The following JARID2 variants were observed in gnomAD, a reference collection of about 807,000 sequenced individuals.
The protein encoded by JARID2 is jumonji and AT-rich interaction domain containing 2, also known as protein Jumonji.
A neutral mutation model predicts 125.6 loss-of-function variants in JARID2; 21 were observed. That is an observed-to-expected ratio of 0.17 (90% CI 0.12 to 0.24). The LOEUF is 0.24. Ranked by LOEUF, JARID2 falls within the 10% of genes least tolerant of loss-of-function variation. JARID2 has a pLI of 1.00. For missense variants in JARID2, 1,303 were observed against 1,639.6 expected, an observed-to-expected ratio of 0.79 and a Z score of 3.55; for synonymous variants, 736 against 661.6, an observed-to-expected ratio of 1.11 and a Z score of -1.73.
chr6:15,295,521 A>G (rs1466532671), intron 1 of JARID2, among the ~76,000 whole-genome samples: 1 of 152,180 alleles, frequency 6.6e-6, no homozygotes, highest in Non-Finnish European at 1.5e-5. Flanking sequence ...CAGCATTGGC[A>G]TAGGTGCTCT....
At chr6:15,306,151 A>G (rs1761813493) in intron 1 of JARID2, among the ~76,000 whole-genome samples, 1 of 152,068 alleles carries the variant, frequency 6.6e-6, no homozygotes, top group African/African-American at 2.4e-5. Context: ...CTTTGAGATC[A>G]CAAGTGGCAG....
chr6:15,414,464 G>A (rs1156835209), intron 3 of JARID2, among the ~76,000 whole-genome samples: 1 of 152,082 alleles, frequency 6.6e-6, no homozygotes, highest in East Asian at 1.9e-4. Flanking sequence ...TGAGGGTTTT[G>A]GAGTTTCCTC....
intron 5 of JARID2, among the ~76,000 whole-genome samples, chr6:15,486,738 G>A (rs896744339): frequency 5.3e-5 from 8 of 150,670 alleles, no homozygotes; most frequent in African/African-American, 2.0e-4. Context: ...AAGCAGCTGC[G>A]CCCCGAACTC....
intron 3 of JARID2, among the ~76,000 whole-genome samples, chr6:15,433,103 C>T (rs574875910): frequency 1.4e-4 from 22 of 152,262 alleles, no homozygotes; most frequent in African/African-American, 5.1e-4. Context: ...ACTCCGAGGG[C>T]TCTATGTGAT....
chr6:15,425,914 A>G (rs938023786), intron 3 of JARID2, among the ~76,000 whole-genome samples: 2 of 152,188 alleles, frequency 1.3e-5, no homozygotes, highest in African/African-American at 2.4e-5. Context: ...AATAAGAGCG[A>G]GAAAAGGAGG....
intron 5 of JARID2, among the ~76,000 whole-genome samples, chr6:15,477,175 CG>C (rs767900868): frequency 5.3e-5 from 8 of 151,958 alleles, no homozygotes; most frequent in Non-Finnish European, 1.0e-4. Context: ...AGATTCATAC[CG>C]GGGGCATGTT....
chr6:15,450,568 T>C (rs1767875291), intron 3 of JARID2, among the ~76,000 whole-genome samples: 1 of 152,218 alleles, frequency 6.6e-6, no homozygotes, highest in Non-Finnish European at 1.5e-5. Flanking sequence ...ATCCCTGTAC[T>C]GTGTGGCTGT....
intron 3 of JARID2, among the ~76,000 whole-genome samples, chr6:15,448,637 G>A (rs1767780451): frequency 6.6e-6 from 1 of 152,160 alleles, no homozygotes; most frequent in Admixed American, 6.5e-5. Context: ...TCTAAATATG[G>A]CACAACATTT....
chr6:15,493,048 A>G (rs1414752925), intron 6 of JARID2, among the ~76,000 whole-genome samples: 2 of 152,218 alleles, frequency 1.3e-5, no homozygotes, highest in African/African-American at 2.4e-5. Context: ...AGTGATATAT[A>G]GAATTCAGCT....
intron 1 of JARID2, among the ~76,000 whole-genome samples, chr6:15,321,790 T>TTG (rs1157752503): frequency 1.5e-5 from 2 of 132,496 alleles, no homozygotes; most frequent in African/African-American, 2.9e-5. Flanking sequence ...CTTGTTTTTT[T>TTG]TTTTTTTTTT....
intron 1 of JARID2, among the ~76,000 whole-genome samples, chr6:15,269,883 G>A (rs1302738322): frequency 6.6e-6 from 1 of 152,184 alleles, no homozygotes; most frequent in Non-Finnish European, 1.5e-5. Context: ...TGGTAAACAT[G>A]GTCTCAAGTT....
At chr6:15,400,243 C>T (rs936852470) in intron 2 of JARID2, among the ~76,000 whole-genome samples, 4 of 151,694 alleles carry the variant, frequency 2.6e-5, no homozygotes, top group South Asian at 2.1e-4. Flanking sequence ...GTGGCCCATG[C>T]GGTCACTTCA....
intron 2 of JARID2, among the ~76,000 whole-genome samples, chr6:15,394,407 T>C (rs1765139659): frequency 6.6e-6 from 1 of 152,136 alleles, no homozygotes; most frequent in Non-Finnish European, 1.5e-5. Flanking sequence ...GCTTCAGGCC[T>C]GGGCAGCTTG....
Position 15,444,613 on chromosome 6 carries a change from A to T in JARID2, c.324-7393A>T, listed in dbSNP as rs987850110. Among the ~76,000 whole-genome samples the T allele has an allele frequency of 1.7e-4, 24 of 143,738 alleles. 1 individual carries two copies. The highest frequency in any genetic ancestry group is 6.1e-4 in the East Asian group (3 of 4,958). The allele number at this position is 143,738 out of a possible 152,430, so 94.3% of individuals were successfully genotyped here. On this transcript the variant is annotated intron_variant, in intron 3 of 17. Coordinates refer to ENST00000341776, the MANE Select transcript of JARID2 (RefSeq NM_004973.4). ...TATTTTGGGGATGGAAACACAGGAAATTTTTTTTTTTTTTGAATAGGCCTT... is the reference window on the plus strand; with the variant it reads ...TATTTTGGGGATGGAAACACAGGAATTTTTTTTTTTTTTTGAATAGGCCTT...
intron 1 of JARID2, among the ~76,000 whole-genome samples, chr6:15,282,520 C>G (rs950702144): frequency 5.9e-5 from 9 of 152,026 alleles, no homozygotes; most frequent in Non-Finnish European, 1.0e-4. Context: ...TTCTTTCTCT[C>G]TCTCTTTTGT....
intron 5 of JARID2, among the ~76,000 whole-genome samples, chr6:15,484,488 C>T (rs1015093603): frequency 2.6e-5 from 4 of 152,114 alleles, no homozygotes; most frequent in African/African-American, 9.7e-5. Context: ...GAGATTTGCC[C>T]ACAATCTGAT....
chr6:15,407,823 AT>A (rs1443474346), intron 2 of JARID2, among the ~76,000 whole-genome samples: 1 of 152,108 alleles, frequency 6.6e-6, no homozygotes, highest in African/African-American at 2.4e-5. Context: ...GTCTCTCCTA[AT>A]TTTAGATTTT....
chr6:15,331,437 G>C (rs1262013854), intron 1 of JARID2, among the ~76,000 whole-genome samples: 2 of 152,090 alleles, frequency 1.3e-5, no homozygotes, highest in East Asian at 3.8e-4. Context: ...ACTGGAAACT[G>C]TCTTTTTGAG....
intron 1 of JARID2, among the ~76,000 whole-genome samples, chr6:15,322,930 C>G (rs1291981735): frequency 6.6e-6 from 1 of 152,232 alleles, no homozygotes; most frequent in African/African-American, 2.4e-5. Flanking sequence ...TAACAGCATA[C>G]TCTTAAACCA....
Sources: allele counts gnomAD v4.1 joint callset (sites outside exome capture counted in the v4.1 genomes callset), GRCh38; gene constraint gnomAD v4.1.1; transcripts MANE v1.5; gene names NCBI Gene and HGNC (gene_info 2026-07-23, HGNC 2026-07-21).